AVEN: variants seen among roughly 807,000 people sequenced by gnomAD.
The protein encoded by AVEN is apoptosis and caspase activation inhibitor, also known as cell death regulator Aven.
AVEN carries 41 observed loss-of-function variants against 38.1 expected under a neutral mutation model. That is an observed-to-expected ratio of 1.08 (90% CI 0.84 to 1.40). The LOEUF (loss-of-function observed/expected upper bound fraction) is 1.40. Among genes scored for constraint, AVEN ranks in the 40% most tolerant of loss-of-function variants. The pLI, the probability that AVEN is intolerant of heterozygous loss-of-function variation, is 0.00. For synonymous variants in AVEN, 206 were observed against 171.8 expected, an observed-to-expected ratio of 1.20 and a Z score of -1.56; for missense variants, 605 against 438.8, an observed-to-expected ratio of 1.38 and a Z score of -3.38.
chr15:33,853,658 C>T, the AVEN span: 1 of 1,613,832 alleles, frequency 6.2e-7, no homozygotes, highest in Non-Finnish European at 8.5e-7. Context: ...GAGACCAAAG[C>T]AGAAGCGGCT....
In AVEN at chr15:34,055,429, C is replaced by T. The variant is rs1173485087; in HGVS notation, n.1637+7493G>A. Among the ~76,000 whole-genome samples, 8 of 151,718 alleles carry T rather than the reference C, an allele frequency of 5.3e-5. No individual in the cohort carries two copies. The East Asian group carries it at 5.8e-4, about 11-fold the overall frequency. On this transcript the variant is annotated intron_variant and non_coding_transcript_variant, in intron 5 of 11. Coordinates refer to the AVEN transcript ENST00000675287. ...CTGAGGCAGGAGAATCTCCTGGATC[C>T]GGGAGGAAGAGGTTACAGTGAGCTG...
At chr15:34,012,058 T>C (rs1897661006) in intron 1 of AVEN, among the ~76,000 whole-genome samples, 1 of 152,194 alleles carries the variant, frequency 6.6e-6, no homozygotes, top group South Asian at 2.1e-4. Context: ...TTATAAGAAT[T>C]TGGGACTTCT....
intron 2 of AVEN, among the ~76,000 whole-genome samples, chr15:33,957,700 A>G (rs75423722): frequency 0.029 from 4,352 of 150,782 alleles, 213 homozygotes; most frequent in African/African-American, 0.1. Context: ...ACATAGGGGA[A>G]TCTCAAAATC....
chr15:33,944,401 C>A (rs1461059766), intron 2 of AVEN, among the ~76,000 whole-genome samples: 2 of 152,164 alleles, frequency 1.3e-5, no homozygotes, highest in Non-Finnish European at 2.9e-5. Context: ...TAATTACCTG[C>A]TAAATTGTAG....
At chr15:33,855,734 T>C (rs1449671794), downstream of AVEN, 17 of 152,234 alleles carry the variant, frequency 1.1e-4, no homozygotes, top group Admixed American at 1.1e-3. Context: ...TGTGTGTATA[T>C]ACATTATATA....
chr15:33,874,909 G>A (rs1042457727), intron 3 of AVEN, among the ~76,000 whole-genome samples: 3 of 152,158 alleles, frequency 2.0e-5, no homozygotes, highest in South Asian at 2.1e-4. Flanking sequence ...ATCTATCTTC[G>A]ATGTGTCCTA....
chr15:33,894,789 G>A (rs1430457397), intron 2 of AVEN, among the ~76,000 whole-genome samples: 1 of 121,492 alleles, frequency 8.2e-6, no homozygotes, highest in Non-Finnish European at 1.7e-5. Flanking sequence ...CAGCCTGGGC[G>A]ACAGAGTGAG....
At chr15:33,854,672 TCCTCAGTGTGTCTCCCAAA>T, downstream of AVEN, 1 of 1,483,298 alleles carries the variant, frequency 6.7e-7, no homozygotes, top group South Asian at 1.3e-5. Context: ...ACCCCCTCTA[TCCTCAGTGTGTCTCCCAAA>T]ATAAGAAAAA....
At chr15:34,034,619 T>C (rs1392102521) in intron 1 of AVEN, among the ~76,000 whole-genome samples, 1 of 152,212 alleles carries the variant, frequency 6.6e-6, no homozygotes, top group Non-Finnish European at 1.5e-5. Context: ...CCAAAATTTT[T>C]TTAGGCAGAA....
chr15:33,989,942 A>G (rs2140563851), intron 2 of AVEN, among the ~76,000 whole-genome samples: 1 of 151,306 alleles, frequency 6.6e-6, no homozygotes, highest in African/African-American at 2.4e-5. Context: ...TCAGTGGCTC[A>G]CCTCTAATCC....
At chr15:33,887,065 T>C (rs1891733670) in intron 2 of AVEN, among the ~76,000 whole-genome samples, 1 of 152,216 alleles carries the variant, frequency 6.6e-6, no homozygotes, top group Admixed American at 6.5e-5. Context: ...CAGAGCTATA[T>C]TGTAAGTATA....
At chr15:33,860,438 CAGGATGTA>C (rs1887757858) in intron 11 of AVEN, among the ~76,000 whole-genome samples, 1 of 151,996 alleles carries the variant, frequency 6.6e-6, no homozygotes, top group Admixed American at 6.6e-5. Flanking sequence ...AATTGTTAGC[CAGGATGTA>C]ACACAAAGAA....
At chr15:33,900,308 AT>A (rs59027472) in intron 2 of AVEN, among the ~76,000 whole-genome samples, 7,667 of 147,578 alleles carry the variant, frequency 0.052, 194 homozygotes, top group Non-Finnish European at 0.067. Flanking sequence ...TTGGGAGAAC[AT>A]TTTTTTTTTT....
At chr15:33,904,714 T>TACACAC (rs201939919) in intron 2 of AVEN, among the ~76,000 whole-genome samples, 70 of 142,724 alleles carry the variant, frequency 4.9e-4, no homozygotes, top group Admixed American at 1.9e-3. Context: ...TATATATATA[T>TACACAC]ATACACACAC....
At chr15:33,980,737 T>G (rs531270590) in intron 2 of AVEN, among the ~76,000 whole-genome samples, 1 of 152,288 alleles carries the variant, frequency 6.6e-6, no homozygotes, top group East Asian at 1.9e-4. Flanking sequence ...CCCAAATTAC[T>G]TCTTGCTCTA....
chr15:33,862,276 G>C (rs1216961962), downstream of AVEN, among the ~76,000 whole-genome samples: 1 of 152,162 alleles, frequency 6.6e-6, no homozygotes, highest in Non-Finnish European at 1.5e-5. Context: ...GCAGTGGTAT[G>C]ATCTTGGCTC....
intron 1 of AVEN, among the ~76,000 whole-genome samples, chr15:34,071,658 T>C (rs1340079107): frequency 1.3e-5 from 2 of 152,162 alleles, no homozygotes; most frequent in African/African-American, 4.8e-5. Context: ...CATAAAGCTA[T>C]TGATCATGAT....
intron 2 of AVEN, among the ~76,000 whole-genome samples, chr15:33,918,327 C>T (rs983560348): frequency 2.6e-5 from 4 of 152,090 alleles, no homozygotes; most frequent in Non-Finnish European, 4.4e-5. Context: ...CTTTTAAAAT[C>T]AAACTAATAA....
chr15:33,983,174 A>G (rs1031538060), intron 2 of AVEN, among the ~76,000 whole-genome samples: 2,084 of 99,620 alleles, frequency 0.021, 69 homozygotes, highest in African/African-American at 0.12. Flanking sequence ...GTGTGTGTAT[A>G]TATACACACG....
Sources: allele counts gnomAD v4.1 joint callset (sites outside exome capture counted in the v4.1 genomes callset), GRCh38; gene constraint gnomAD v4.1.1; transcripts MANE v1.5; gene names NCBI Gene and HGNC (gene_info 2026-07-23, HGNC 2026-07-21).